Variants in SFMBT2 observed in about 807,000 individuals in gnomAD.
The protein encoded by SFMBT2 is scm-like with four MBT domains protein 2.
A neutral mutation model predicts 110.1 loss-of-function variants in SFMBT2; 38 were observed. That is an observed-to-expected ratio of 0.35 (90% CI 0.27 to 0.45). SFMBT2 has a LOEUF of 0.45. Ranked by LOEUF, SFMBT2 falls within the 20% of genes least tolerant of loss-of-function variation. The pLI is 1.00. For missense variants in SFMBT2, 1,011 were observed against 1,094.9 expected (o/e 0.92, Z 1.08); for synonymous variants, 425 against 425.4 (o/e 1.00, Z 0.01).
chr10:7,254,011 G>C (rs1840909377), intron 7 of SFMBT2, among the ~76,000 whole-genome samples: 1 of 152,152 alleles, frequency 6.6e-6, no homozygotes, highest in African/African-American at 2.4e-5. Flanking sequence ...TTTACTGCAA[G>C]AGCGTGACAA....
At chr10:7,223,383 T>C (rs555365161) in intron 10 of SFMBT2, among the ~76,000 whole-genome samples, 1 of 152,206 alleles carries the variant, frequency 6.6e-6, no homozygotes, top group African/African-American at 2.4e-5. Context: ...CCCTGCTGAC[T>C]ACTGATGCTG....
In SFMBT2 at chr10:7,320,058, C is replaced by CAG. The variant is rs750500190; in HGVS notation, c.437-34106_437-34105dup. On this transcript the variant is annotated intron_variant, in intron 4 of 20. Coordinates refer to ENST00000397167, the MANE Select transcript of SFMBT2 (RefSeq NM_001387889.1). ...AGAGAGAGACAAAGACAGACAGAGACAGAGAGAGAGACATAGAGACAGAGA... is the reference window on the plus strand; with the variant it reads ...AGAGAGAGACAAAGACAGACAGAGACAGAGAGAGAGAGACATAGAGACAGAGA... Among the ~76,000 whole-genome samples the CAG allele has an allele frequency of 2.7e-5, 4 of 147,482 alleles. No homozygotes were observed. In the South Asian group the frequency reaches 6.6e-4, roughly 24 times the overall value.
chr10:7,306,866 T>C (rs1180647208), intron 4 of SFMBT2, among the ~76,000 whole-genome samples: 1 of 152,192 alleles, frequency 6.6e-6, no homozygotes, highest in African/African-American at 2.4e-5. Context: ...ATAAGTGTGT[T>C]ACTATACTGG....
chr10:7,335,192 A>C (rs1843680058), intron 4 of SFMBT2, among the ~76,000 whole-genome samples: 1 of 152,138 alleles, frequency 6.6e-6, no homozygotes, highest in South Asian at 2.1e-4. Context: ...CCAATGGGGG[A>C]GAGGAAAGCA....
chr10:7,186,972 T>C (rs930475684), intron 16 of SFMBT2, among the ~76,000 whole-genome samples: 17 of 152,232 alleles, frequency 1.1e-4, no homozygotes, highest in Admixed American at 1.1e-3. Context: ...ATATTTGATA[T>C]AATAGGTAAT....
chr10:7,355,498 G>A (rs1844476509), intron 4 of SFMBT2, among the ~76,000 whole-genome samples: 1 of 152,118 alleles, frequency 6.6e-6, no homozygotes, highest in South Asian at 2.1e-4. Flanking sequence ...GTGTGAATTT[G>A]TATGGTAAAA....
intron 4 of SFMBT2, among the ~76,000 whole-genome samples, chr10:7,288,748 C>T (rs113147023): frequency 7.1e-4 from 108 of 152,008 alleles, no homozygotes; most frequent in Non-Finnish European, 1.0e-3. Flanking sequence ...TTAGAAACAG[C>T]GGCCAGGTGC....
At chr10:7,196,843 T>C (rs182742215) in intron 15 of SFMBT2, among the ~76,000 whole-genome samples, 126 of 152,320 alleles carry the variant, frequency 8.3e-4, no homozygotes, top group African/African-American at 3.0e-3. Flanking sequence ...AAATTTCCAA[T>C]CTGTCTCCAA....
intron 1 of SFMBT2, among the ~76,000 whole-genome samples, chr10:7,382,423 A>G (rs1450579708): frequency 6.6e-6 from 1 of 152,208 alleles, no homozygotes; most frequent in Non-Finnish European, 1.5e-5. Flanking sequence ...AAAAAAATTA[A>G]TTAATTAGTT....
At position 7,170,923 on chromosome 10, in the gene SFMBT2, C is replaced by T. The variant is rs750875082; in HGVS notation, c.2544+5G>A. ...CAAACAATCGACACGCGGCAACCAC[C>T]GTACCTGCTCCTGAAATATCTTGGC... On this transcript the variant is annotated splice_donor_5th_base_variant and intron_variant, in intron 20 of 20. Transcript: ENST00000397167. The surrounding 1 kb of genome is among the most constrained non-coding windows in gnomAD (Gnocchi z 4.6). 21 of 1,614,040 alleles carry T rather than the reference C, an allele frequency of 1.3e-5. No homozygotes were observed. The highest frequency in any genetic ancestry group is 2.2e-5 in the East Asian group (1 of 44,896).
intron 7 of SFMBT2, among the ~76,000 whole-genome samples, chr10:7,252,734 T>C (rs1005178564): frequency 3.3e-5 from 5 of 152,152 alleles, no homozygotes; most frequent in Non-Finnish European, 7.4e-5. Context: ...CTTAAATTAT[T>C]TCTCCCAGGT....
chr10:7,188,539 G>T, intron 16 of SFMBT2, 85 bp downstream of exon 16: 1 of 1,012,068 alleles, frequency 9.9e-7, no homozygotes, highest in Non-Finnish European at 1.5e-6. Flanking sequence ...TCTCAGGGCT[G>T]TGTCACAAAG....
chr10:7,238,270 G>A (rs1339085882), intron 9 of SFMBT2, among the ~76,000 whole-genome samples: 1 of 152,210 alleles, frequency 6.6e-6, no homozygotes, highest in African/African-American at 2.4e-5. Flanking sequence ...CTCTGAAAAT[G>A]TGGACAGGAC....
At chr10:7,255,686 C>A (rs1840979571) in intron 7 of SFMBT2, among the ~76,000 whole-genome samples, 1 of 152,190 alleles carries the variant, frequency 6.6e-6, no homozygotes, top group Non-Finnish European at 1.5e-5. Context: ...TCTACATCAA[C>A]TTCCTTTCTG....
chr10:7,310,946 C>G (rs1169165664), intron 4 of SFMBT2, among the ~76,000 whole-genome samples: 1 of 150,318 alleles, frequency 6.7e-6, no homozygotes, highest in Non-Finnish European at 1.5e-5. Context: ...ACTCAGGAGG[C>G]TGAGGCAGGA....
chr10:7,401,617 C>T (rs909604597), intron 1 of SFMBT2, among the ~76,000 whole-genome samples: 2 of 152,312 alleles, frequency 1.3e-5, no homozygotes, highest in East Asian at 3.9e-4. Flanking sequence ...TTCATGAACT[C>T]TGCCCTCTGG....
In SFMBT2 at chr10:7,200,401, T is replaced by C. The variant is rs1838915363; in HGVS notation, c.1558+13A>G. The stretch of plus-strand genomic sequence containing the variant: ...TGGGAAGGCACAGAGACCCCCTAAA[T>C]GGGACTGATTACCTGTGGTGTCCAG... On this transcript the variant is annotated intron_variant, in intron 14 of 20. Transcript: ENST00000397167. 6.3e-7 allele frequency: 1 copy of C among 1,581,348 alleles called. No homozygotes were observed. Among genetic ancestry groups the C allele is most frequent in the Non-Finnish European group, 8.6e-7 (1 of 1,163,390 alleles).
rs146844306 is a variant in SFMBT2 at position 7,233,314 on chromosome 10, G to A, written c.1121-5377C>T. On this transcript the variant is annotated intron_variant, in intron 9 of 20. Transcript: ENST00000397167. ...CGTGTCAAAATCCTCAGGCTCCAGC[G>A]ACTACTGGGAGTAACAGACACACAG... Among the ~76,000 whole-genome samples, 150 of 152,164 alleles carry A rather than the reference G, an allele frequency of 9.9e-4. 3 individuals are homozygous for A. The East Asian group carries it at 0.027, about 28-fold the overall frequency.
At chr10:7,212,365 G>A (rs879287031) in intron 11 of SFMBT2, among the ~76,000 whole-genome samples, 1 of 152,142 alleles carries the variant, frequency 6.6e-6, no homozygotes, top group Non-Finnish European at 1.5e-5. Context: ...CTCAGCAAAC[G>A]CTGAGCAAGC....
Sources: gnomAD v4.1 joint callset for allele counts (sites outside exome capture counted in the v4.1 genomes callset) on GRCh38, gnomAD v4.1.1 for gene constraint, Gnocchi (gnomAD v3.1) non-coding constraint, MANE v1.5 for transcripts, NCBI Gene and HGNC (gene_info 2026-07-23, HGNC 2026-07-21) for gene names.